METTL15: variants seen among roughly 807,000 people sequenced by gnomAD.
METTL15 encodes the protein methyltransferase 15, mitochondrial 12S rRNA N4-cytidine.
In METTL15, 34 loss-of-function variants were observed where a neutral mutation model predicts 38.3. The ratio of observed to expected loss-of-function variants is 0.89; its 90% confidence interval spans 0.68 to 1.18. The LOEUF (loss-of-function observed/expected upper bound fraction) is 1.18, where lower values mean the gene tolerates loss of function less well. METTL15 is among the 50% of genes most tolerant of loss of function. METTL15 has a pLI of 0.00. For synonymous variants in METTL15, 162 were observed against 170.9 expected, an observed-to-expected ratio of 0.95 and a Z score of 0.41; for missense variants, 438 against 498.4, an observed-to-expected ratio of 0.88 and a Z score of 1.15.
intron 5 of METTL15, among the ~76,000 whole-genome samples, chr11:28,419,185 T>C (rs1162903124): frequency 6.6e-6 from 1 of 152,166 alleles, no homozygotes; most frequent in Non-Finnish European, 1.5e-5. Flanking sequence ...TGTTGGGCAA[T>C]ACCCAGTGCT....
At chr11:28,154,531 A>G (rs1850199266) in intron 3 of METTL15, among the ~76,000 whole-genome samples, 1 of 152,140 alleles carries the variant, frequency 6.6e-6, no homozygotes, top group South Asian at 2.1e-4. Context: ...CAGCTTATGG[A>G]ATAAGTGTAT....
intron 4 of METTL15, among the ~76,000 whole-genome samples, chr11:28,221,099 T>A (rs1853192497): frequency 6.6e-6 from 1 of 152,190 alleles, no homozygotes; most frequent in Non-Finnish European, 1.5e-5. Flanking sequence ...TGCATTTGAA[T>A]GTTGGCCTAC....
At chr11:28,167,783 C>G (rs1253605877) in intron 3 of METTL15, among the ~76,000 whole-genome samples, 1 of 151,206 alleles carries the variant, frequency 6.6e-6, no homozygotes, top group Non-Finnish European at 1.5e-5. Flanking sequence ...TGACAAAATC[C>G]TATAATCTTT....
chr11:28,224,158 C>T lies in METTL15; in HGVS notation c.407+12960C>T, dbSNP rs192271642. Among the ~76,000 whole-genome samples, 27 of 151,920 alleles carry T rather than the reference C, an allele frequency of 1.8e-4. 1 individual carries two copies. The South Asian group carries it at 2.5e-3, about 14-fold the overall frequency. ...TAGGTAATCGGGGTTAGTGATTTTA[C>T]GTTTTTCATTTCATCTTTCTAATTG... On this transcript the variant is annotated intron_variant, in intron 4 of 6. Coordinates refer to ENST00000407364, the MANE Select transcript of METTL15 (RefSeq NM_001113528.2).
chr11:28,120,450 C>T (rs895762475), intron 3 of METTL15, among the ~76,000 whole-genome samples: 18 of 151,778 alleles, frequency 1.2e-4, no homozygotes, highest in African/African-American at 4.4e-4. Flanking sequence ...AAAATATCTT[C>T]TGAAATGTGA....
intron 4 of METTL15, among the ~76,000 whole-genome samples, chr11:28,257,559 G>A (rs1467552159): frequency 2.0e-5 from 3 of 152,074 alleles, no homozygotes; most frequent in Non-Finnish European, 4.4e-5. Context: ...TCTACATCCT[G>A]TAGGCATGCT....
chr11:28,345,699 G>C (rs557886838), intron 3 of METTL15, among the ~76,000 whole-genome samples: 1 of 152,036 alleles, frequency 6.6e-6, no homozygotes, highest in South Asian at 2.1e-4. Context: ...GATTTGGTGC[G>C]CCAACAAGAC....
intron 6 of METTL15, among the ~76,000 whole-genome samples, chr11:28,489,985 T>A (rs1395554159): frequency 1.3e-5 from 2 of 152,034 alleles, no homozygotes; most frequent in Non-Finnish European, 2.9e-5. Flanking sequence ...CTGCATGGTC[T>A]CCCTTCAGAA....
intron 6 of METTL15, among the ~76,000 whole-genome samples, chr11:28,322,573 TATA>T (rs1170724596): frequency 6.6e-6 from 1 of 152,140 alleles, no homozygotes; most frequent in African/African-American, 2.4e-5. Context: ...AGTAAATTGG[TATA>T]ATCTATTTAG....
At chr11:28,358,630 A>C (rs1554913717) in intron 4 of METTL15, among the ~76,000 whole-genome samples, 1 of 152,104 alleles carries the variant, frequency 6.6e-6, no homozygotes, top group African/African-American at 2.4e-5. Flanking sequence ...ATGTAGTTTC[A>C]TTGTAGTACT....
At position 28,472,875 on chromosome 11, in the gene METTL15, G is replaced by GTAGAAAATGTAATTCT. The variant is rs146897973; in HGVS notation, c.*424+48511_*424+48512insTAGAAAATGTAATTCT. ...TGAACCTTAGAGAATTCTAGAGACT[G>GTAGAAAATGTAATTCT]AGCACTCAGTAGAAAATGTAATTCC... On this transcript the variant is annotated intron_variant and NMD_transcript_variant, in intron 6 of 7. Transcript: ENST00000532947. Among the ~76,000 whole-genome samples, 578 of 152,294 alleles carry GTAGAAAATGTAATTCT rather than the reference G, an allele frequency of 3.8e-3. 7 individuals are homozygous for GTAGAAAATGTAATTCT. Among genetic ancestry groups the GTAGAAAATGTAATTCT allele is most frequent in the African/African-American group, 0.013 (551 of 41,558 alleles).
chr11:28,402,411 A>G (rs1850638130), intron 5 of METTL15, among the ~76,000 whole-genome samples: 1 of 151,964 alleles, frequency 6.6e-6, no homozygotes, highest in African/African-American at 2.4e-5. Context: ...TATAGTCTCC[A>G]GTGATTCTCT....
chr11:28,442,626 C>T (rs1307940730), intron 6 of METTL15, among the ~76,000 whole-genome samples: 1 of 152,138 alleles, frequency 6.6e-6, no homozygotes, highest in Non-Finnish European at 1.5e-5. Flanking sequence ...TCACTCCTTG[C>T]CTGAACTGTT....
chr11:28,170,652 G>A lies in METTL15; in HGVS notation c.271-40410G>A, dbSNP rs544455623. ...GTTCATCTCCTTTTTAAACCATATAGGGTAACTTCCTGACATTGCCATGGC... is the reference window on the plus strand; with the variant it reads ...GTTCATCTCCTTTTTAAACCATATAAGGTAACTTCCTGACATTGCCATGGC... On this transcript the variant is annotated intron_variant, in intron 3 of 6. Coordinates refer to ENST00000407364, the MANE Select transcript of METTL15 (RefSeq NM_001113528.2). 1.2e-4 allele frequency among the ~76,000 whole-genome samples: 18 copies of A among 152,230 alleles called. No homozygotes were observed. In the South Asian group the frequency reaches 1.5e-3, roughly 12 times the overall value.
intron 6 of METTL15, among the ~76,000 whole-genome samples, chr11:28,322,136 T>G (rs1849492747): frequency 6.6e-6 from 1 of 152,014 alleles, no homozygotes; most frequent in Non-Finnish European, 1.5e-5. Flanking sequence ...GGAAAAACCT[T>G]CCTAAATTTA....
intron 4 of METTL15, among the ~76,000 whole-genome samples, chr11:28,257,461 C>T (rs1239385684): frequency 6.6e-6 from 1 of 152,106 alleles, no homozygotes; most frequent in Non-Finnish European, 1.5e-5. Flanking sequence ...AGTTATTATC[C>T]CTCTGAATAA....
chr11:28,473,314 T>C (rs1483308210), intron 6 of METTL15, among the ~76,000 whole-genome samples: 1 of 152,146 alleles, frequency 6.6e-6, no homozygotes, highest in Non-Finnish European at 1.5e-5. Flanking sequence ...GTGGTAAAAT[T>C]AATCACCTGG....
rs1029363691 is a variant in METTL15, at chr11:28,376,084, C to G, written c.*358+14048C>G. Among the ~76,000 whole-genome samples, 589 of 151,962 alleles carry G rather than the reference C, an allele frequency of 3.9e-3. 1 individual carries two copies. The highest frequency in any genetic ancestry group is 0.014 in the African/African-American group (564 of 41,434). ...CATTTGCTGAGGAGTGCTTTACTTC[C>G]AAGTATGTGGTCAATTTTGGAATAG... On this transcript the variant is annotated intron_variant and NMD_transcript_variant, in intron 5 of 7. Coordinates refer to the METTL15 transcript ENST00000532947.
At chr11:28,189,831 A>G (rs1469769369) in intron 3 of METTL15, among the ~76,000 whole-genome samples, 1 of 151,328 alleles carries the variant, frequency 6.6e-6, no homozygotes, top group Non-Finnish European at 1.5e-5. Flanking sequence ...CGAAATTTCA[A>G]CAAAATGAAG....
Sources: gnomAD v4.1 joint callset for allele counts (sites outside exome capture counted in the v4.1 genomes callset) on GRCh38, gnomAD v4.1.1 for gene constraint, MANE v1.5 for transcripts, NCBI Gene and HGNC (gene_info 2026-07-23, HGNC 2026-07-21) for gene names.